AAK1: variants seen among roughly 807,000 people sequenced by gnomAD.
AAK1 encodes AP2 associated kinase 1, also known as AP2-associated protein kinase 1.
A neutral mutation model predicts 116.0 loss-of-function variants in AAK1; 37 were observed. That is an observed-to-expected ratio of 0.32 (90% confidence interval 0.25 to 0.42). The LOEUF is 0.42. AAK1 is among the 10% of genes least tolerant of loss of function. The pLI is 1.00. For missense variants in AAK1, 919 were observed against 1,170.6 expected, an observed-to-expected ratio of 0.79 and a Z score of 3.14; for synonymous variants, 458 against 439.9, an observed-to-expected ratio of 1.04 and a Z score of -0.51.
At chr2:69,530,466 C>T (rs991389635) in intron 7 of AAK1, among the ~76,000 whole-genome samples, 159 bp downstream of exon 7, 1 of 152,176 alleles carries the variant, frequency 6.6e-6, no homozygotes, top group African/African-American at 2.4e-5. Flanking sequence ...CTTCAAGAAG[C>T]AGTGGCTGGT....
chr2:69,585,781 G>C (rs902304932), intron 2 of AAK1, among the ~76,000 whole-genome samples: 3 of 152,198 alleles, frequency 2.0e-5, no homozygotes, highest in Non-Finnish European at 4.4e-5. Context: ...GTAGTTTCCA[G>C]GGTTTGATTT....
At position 69,461,697 on chromosome 2, in the gene AAK1, C is replaced by A; in HGVS notation, c.*14172G>T. The A allele has an allele frequency of 2.4e-6, 1 of 422,008 alleles. No homozygotes were observed. The highest frequency in any genetic ancestry group is 8.4e-5 in the East Asian group (1 of 11,848). The allele number at this position is 422,008 out of a possible 1,614,324, so 26.1% of individuals were successfully genotyped here. On this transcript the variant is annotated 3_prime_UTR_variant, in exon 22 of 22. Coordinates refer to ENST00000409085, the MANE Select transcript of AAK1 (RefSeq NM_014911.5). The stretch of plus-strand genomic sequence containing the variant: ...GCAAAGTCTGCCTCCCTGGGTCAAG[C>A]AATTCTGCCTCAGCCTCCCTAGTAA...
intron 2 of AAK1, among the ~76,000 whole-genome samples, chr2:69,613,375 T>A (rs1250803360): frequency 6.6e-6 from 1 of 152,214 alleles, no homozygotes; most frequent in South Asian, 2.1e-4. Flanking sequence ...AGCCCCTGTT[T>A]CCTAACACAA....
intron 2 of AAK1, among the ~76,000 whole-genome samples, chr2:69,618,824 C>CT (rs1674456496): frequency 6.6e-6 from 1 of 152,208 alleles, no homozygotes; most frequent in African/African-American, 2.4e-5. Flanking sequence ...TGGCCACCCT[C>CT]TAGACCTTGT....
intron 2 of AAK1, among the ~76,000 whole-genome samples, chr2:69,592,594 C>A (rs942603800): frequency 6.6e-6 from 1 of 152,074 alleles, no homozygotes; most frequent in Non-Finnish European, 1.5e-5. Context: ...AAATTTGATT[C>A]ATTTCTTCCT....
Position 69,530,493 on chromosome 2 carries a change from T to C in AAK1, c.738+132A>G. ...GTGGCTGGTATTCTCACATCAAGAA[T>C]AACCTTGAGGGGTAAGTAGACCATG... On this transcript the variant is annotated intron_variant, in intron 7 of 21. Coordinates refer to ENST00000409085, the MANE Select transcript of AAK1 (RefSeq NM_014911.5). The C allele has an allele frequency of 4.4e-6, 3 of 675,450 alleles. No individual in the cohort carries two copies. In the South Asian group the frequency reaches 7.1e-5, roughly 16 times the overall value. 41.8% of individuals were successfully genotyped at this position (675,450 alleles called of 1,614,324 possible). A position where few individuals can be genotyped will look rare whatever the true frequency, so the allele number is the denominator to read the frequency against.
intron 2 of AAK1, among the ~76,000 whole-genome samples, chr2:69,578,529 T>C (rs1672407602): frequency 6.6e-6 from 1 of 152,186 alleles, no homozygotes. Context: ...TTTAAAAATC[T>C]CTGAACACTG....
intron 16 of AAK1, among the ~76,000 whole-genome samples, chr2:69,504,782 G>C (rs1341036069): frequency 6.6e-6 from 1 of 152,056 alleles, no homozygotes; most frequent in African/African-American, 2.4e-5. Context: ...ATAAAATTGT[G>C]GTCATGTGTA....
intron 2 of AAK1, chr2:69,598,849 G>A: frequency 3.9e-6 from 1 of 256,458 alleles, no homozygotes; most frequent in Non-Finnish European, 7.8e-6. Flanking sequence ...GAGTTGATGT[G>A]GATGTCTGTC....
chr2:69,471,253 T>C lies in AAK1; in HGVS notation c.*4616A>G, dbSNP rs1281755253. 5 of 985,322 alleles carry C rather than the reference T, an allele frequency of 5.1e-6. No individual in the cohort carries two copies. Among genetic ancestry groups the C allele is most frequent in the Non-Finnish European group, 4.8e-6 (4 of 829,936 alleles). 61.0% of individuals were successfully genotyped at this position (985,322 alleles called of 1,614,324 possible). A position where few individuals can be genotyped will look rare whatever the true frequency, so the allele number is the denominator to read the frequency against. Reference sequence around the variant, plus strand: ...ACCACCATTTGGTAACTTCTTTGCATAGGTTAGCATTACCCAAGGAGCCTC... The same window carrying C: ...ACCACCATTTGGTAACTTCTTTGCACAGGTTAGCATTACCCAAGGAGCCTC... On this transcript the variant is annotated 3_prime_UTR_variant, in exon 22 of 22. Coordinates refer to ENST00000409085, the MANE Select transcript of AAK1 (RefSeq NM_014911.5).
rs190969083 is a variant in AAK1, at chr2:69,634,285, T to C, written c.163+8593A>G. Among the ~76,000 whole-genome samples, 58 of 152,340 alleles carry C rather than the reference T, an allele frequency of 3.8e-4. No individual in the cohort carries two copies. The East Asian group carries it at 0.011, about 29-fold the overall frequency. On this transcript the variant is annotated intron_variant, in intron 2 of 21. Transcript: ENST00000409085. ...CTAGGAGCCTCGGGTTCAAGTTCAT[T>C]CACTGCTACTTCTTGCCAATATGAC...
chr2:69,552,267 A>G (rs2105074528), intron 3 of AAK1, among the ~76,000 whole-genome samples: 1 of 152,378 alleles, frequency 6.6e-6, no homozygotes, highest in South Asian at 2.1e-4. Flanking sequence ...AATAGAGAAT[A>G]GAGAAAGGCC....
chr2:69,634,527 C>T (rs1027602395), intron 2 of AAK1, among the ~76,000 whole-genome samples: 5 of 152,198 alleles, frequency 3.3e-5, no homozygotes, highest in African/African-American at 1.2e-4. Flanking sequence ...GATGCTATGG[C>T]AAACAGAGAA....
intron 5 of AAK1, among the ~76,000 whole-genome samples, chr2:69,537,672 C>G (rs904395738): frequency 6.6e-6 from 1 of 152,184 alleles, no homozygotes; most frequent in Non-Finnish European, 1.5e-5. Context: ...AGCTCAGAGT[C>G]GCTGAGACTA....
Position 69,507,472 on chromosome 2 carries a change from T to G in AAK1, c.2113A>C (p.Lys705Gln). 1 of 1,613,164 alleles carries G rather than the reference T, an allele frequency of 6.2e-7. No individual in the cohort carries two copies. The highest frequency in any genetic ancestry group is 8.5e-7 in the Non-Finnish European group (1 of 1,179,568). Residue 705 changes from lysine (K) to glutamine (Q), a missense_variant, in exon 15 of 22, where the codon AAA becomes CAA. Transcript: ENST00000409085. ...WNPFDDDNFSKLTAEELLNKD... is the reference protein window; with the variant it reads ...WNPFDDDNFSQLTAEELLNKD... ...TTTAGCAGTTCTTCAGCTGTGAGTT[T>G]GGAGAAATTATCGTCATCAAAGGGA...
chr2:69,512,113 C>T (rs922125638), intron 13 of AAK1, among the ~76,000 whole-genome samples: 3 of 152,126 alleles, frequency 2.0e-5, no homozygotes, highest in Non-Finnish European at 4.4e-5. Flanking sequence ...TGATGCCATC[C>T]CATCCAAACA....
Position 69,643,590 on chromosome 2 carries a change from G to C in AAK1, c.-250C>G. 8.1e-7 allele frequency: 1 copy of C among 1,228,748 alleles called. No homozygotes were observed. 76.1% of individuals were successfully genotyped at this position (1,228,748 alleles called of 1,614,324 possible). On this transcript the variant is annotated 5_prime_UTR_variant, in exon 1 of 22. Transcript: ENST00000409085. ...CAGCACCCACTTGAGACGGCTCGGC[G>C]GCCGGCGCCCTGCTACCAGCCCCGC...
At chr2:69,557,890 TC>T (rs1671452608) in intron 2 of AAK1, among the ~76,000 whole-genome samples, 1 of 152,192 alleles carries the variant, frequency 6.6e-6, no homozygotes, top group Non-Finnish European at 1.5e-5. Flanking sequence ...TAAAGATTCT[TC>T]CGGACCTCCC....
rs1238441705 is a variant in AAK1 at position 69,509,473 on chromosome 2, G to A, written c.1777-13C>T. On this transcript the variant is annotated splice_polypyrimidine_tract_variant and intron_variant, in intron 13 of 21. Coordinates refer to ENST00000409085, the MANE Select transcript of AAK1 (RefSeq NM_014911.5). ...CTGGGGCTTGAATCTGCTAGGAAGA[G>A]AGACGGAAAGTGTTTCATTAAATTA... 4 of 1,593,106 alleles carry A rather than the reference G, an allele frequency of 2.5e-6. No homozygotes were observed. Among genetic ancestry groups the A allele is most frequent in the Non-Finnish European group, 2.6e-6 (3 of 1,169,454 alleles).
Sources: allele counts gnomAD v4.1 joint callset (sites outside exome capture counted in the v4.1 genomes callset), GRCh38; gene constraint gnomAD v4.1.1; transcripts MANE v1.5; gene names NCBI Gene and HGNC (gene_info 2026-07-23, HGNC 2026-07-21).